APBA2: variants seen among roughly 807,000 people sequenced by gnomAD.
APBA2 encodes the protein amyloid beta precursor protein binding family A member 2, also known as amyloid-beta A4 precursor protein-binding family A member 2.
Under a neutral mutation model 75.0 loss-of-function variants are expected in APBA2, and 30 were observed. The ratio of observed to expected loss-of-function variants is 0.40; its 90% CI spans 0.30 to 0.54. APBA2 has a LOEUF of 0.54. APBA2 is among the 20% of genes least tolerant of loss of function. The pLI is 0.49. For synonymous variants in APBA2, 444 were observed against 409.6 expected (o/e 1.08, Z -1.01); for missense variants, 801 against 1,016.1 (o/e 0.79, Z 2.88).
chr15:28,910,229 G>A (rs1403410635), intron 1 of APBA2, among the ~76,000 whole-genome samples: 1 of 152,182 alleles, frequency 6.6e-6, no homozygotes, highest in Non-Finnish European at 1.5e-5. Flanking sequence ...TTAGGGCCAT[G>A]TACAGCAAAG....
chr15:29,038,689 T>TTC (rs1491549410), intron 3 of APBA2, among the ~76,000 whole-genome samples: 2 of 139,692 alleles, frequency 1.4e-5, no homozygotes, highest in African/African-American at 5.6e-5. Flanking sequence ...TTTTTTTTTT[T>TTC]CTGAGACGAA....
At chr15:29,018,267 G>A (rs933526386) in intron 3 of APBA2, among the ~76,000 whole-genome samples, 11 of 152,236 alleles carry the variant, frequency 7.2e-5, no homozygotes, top group Admixed American at 7.2e-4. Flanking sequence ...ATAGTCTTGG[G>A]TGACAGTGCC....
intron 2 of APBA2, among the ~76,000 whole-genome samples, chr15:28,940,699 C>G (rs1256861634): frequency 1.3e-5 from 2 of 152,160 alleles, no homozygotes; most frequent in East Asian, 3.8e-4. Flanking sequence ...CCCCCAGTCC[C>G]GGGTCATGTC....
intron 2 of APBA2, among the ~76,000 whole-genome samples, chr15:28,951,881 C>CTT (rs71414600): frequency 0.016 from 1,745 of 109,824 alleles, 317 homozygotes; most frequent in African/African-American, 0.057. Context: ...TGCACTCAGC[C>CTT]TTTTTTTTTT....
Position 29,108,158 on chromosome 15 carries a change from C to A in APBA2, c.1918-112C>A, listed in dbSNP as rs2044529827. On this transcript the variant is annotated intron_variant, in intron 12 of 14. Transcript: ENST00000683413. Reference sequence around the variant, plus strand: ...CTGAGAGGGGACTGCCTGCCTCTCCCATTGTGTGTTCTCACTGCCCCCGGC... The same window carrying A: ...CTGAGAGGGGACTGCCTGCCTCTCCAATTGTGTGTTCTCACTGCCCCCGGC... 3.3e-6 allele frequency: 5 copies of A among 1,497,030 alleles called. No individual in the cohort carries two copies. In the Admixed American group the frequency reaches 6.7e-5, roughly 20 times the overall value. 92.7% of individuals were successfully genotyped at this position (1,497,030 alleles called of 1,614,324 possible). A position where few individuals can be genotyped will look rare whatever the true frequency, so the allele number is the denominator to read the frequency against.
chr15:29,042,178 C>T (rs936883430), intron 3 of APBA2, among the ~76,000 whole-genome samples: 2 of 152,188 alleles, frequency 1.3e-5, no homozygotes, highest in African/African-American at 4.8e-5. Context: ...TCCACAATTC[C>T]CCTCTTTAGA....
chr15:28,890,691 C>T (rs1168913474), intron 1 of APBA2, among the ~76,000 whole-genome samples: 2 of 152,210 alleles, frequency 1.3e-5, no homozygotes, highest in African/African-American at 2.4e-5. Flanking sequence ...GGGCCCAGGG[C>T]CAGTCACCTG....
chr15:29,116,075 AGCAGAC>A (rs2045104937), intron 14 of APBA2, among the ~76,000 whole-genome samples: 1 of 149,674 alleles, frequency 6.7e-6, no homozygotes, highest in Non-Finnish European at 1.5e-5. Flanking sequence ...CCGTTCTTGA[AGCAGAC>A]GTTTAGAGTC....
chr15:28,981,425 T>G (rs2037615381), intron 2 of APBA2, among the ~76,000 whole-genome samples: 1 of 152,084 alleles, frequency 6.6e-6, no homozygotes, highest in South Asian at 2.1e-4. Flanking sequence ...TCACTAATCA[T>G]CAGAAGAATG....
At chr15:28,998,287 T>G (rs903471688) in intron 3 of APBA2, among the ~76,000 whole-genome samples, 1 of 151,742 alleles carries the variant, frequency 6.6e-6, no homozygotes, top group East Asian at 1.9e-4. Flanking sequence ...ATAAAATGTG[T>G]GCATAATGAA....
intron 2 of APBA2, among the ~76,000 whole-genome samples, chr15:28,969,132 CT>C (rs1316170790): frequency 1.7e-4 from 8 of 46,178 alleles, no homozygotes; most frequent in African/African-American, 1.6e-3. Context: ...ATTTCTTTTT[CT>C]TTCTTTCTTT....
At chr15:29,021,270 T>A (rs372793283) in intron 3 of APBA2, among the ~76,000 whole-genome samples, 1 of 152,106 alleles carries the variant, frequency 6.6e-6, no homozygotes, top group African/African-American at 2.4e-5. Flanking sequence ...GGCTCATGCC[T>A]GTAATCCCAG....
chr15:28,988,342 C>G (rs1311506987), intron 2 of APBA2, among the ~76,000 whole-genome samples: 1 of 151,296 alleles, frequency 6.6e-6, no homozygotes, highest in African/African-American at 2.4e-5. Flanking sequence ...CGGCTCACGG[C>G]AAGCTCCACC....
intron 5 of APBA2, 111 bp downstream of exon 5, chr15:29,075,112 G>C: frequency 1.2e-6 from 1 of 866,730 alleles, no homozygotes; most frequent in Non-Finnish European, 1.9e-6. Flanking sequence ...ATCCCACCCG[G>C]TGCCTGGGGG....
intron 2 of APBA2, among the ~76,000 whole-genome samples, chr15:28,949,877 G>A (rs922739420): frequency 2.0e-5 from 3 of 152,272 alleles, no homozygotes; most frequent in Middle Eastern, 6.8e-3. Flanking sequence ...CTTCTCTCTC[G>A]TTAACATCTT....
chr15:28,886,677 C>T (rs1310561107), intron 1 of APBA2, among the ~76,000 whole-genome samples: 1 of 152,164 alleles, frequency 6.6e-6, no homozygotes, highest in East Asian at 1.9e-4. Context: ...GTCCCCGTGC[C>T]GGGCGGCAAC....
chr15:28,894,313 T>G (rs547504300), intron 1 of APBA2, among the ~76,000 whole-genome samples: 12 of 152,298 alleles, frequency 7.9e-5, no homozygotes, highest in African/African-American at 2.9e-4. Flanking sequence ...CCAGCTTTCT[T>G]GTTCCCAGTT....
intron 13 of APBA2, among the ~76,000 whole-genome samples, chr15:29,111,329 G>A (rs1002313476): frequency 6.6e-6 from 1 of 152,072 alleles, no homozygotes; most frequent in African/African-American, 2.4e-5. Context: ...CTCCCTGTCT[G>A]TGAAATGGGG....
intron 2 of APBA2, among the ~76,000 whole-genome samples, chr15:28,974,176 T>C (rs2037213035): frequency 6.6e-6 from 1 of 152,072 alleles, no homozygotes; most frequent in Non-Finnish European, 1.5e-5. Flanking sequence ...GAAAAAGAGC[T>C]TGGGAGTTTT....
Sources: gnomAD v4.1 joint callset for allele counts (sites outside exome capture counted in the v4.1 genomes callset) on GRCh38, gnomAD v4.1.1 for gene constraint, MANE v1.5 for transcripts, NCBI Gene and HGNC (gene_info 2026-07-23, HGNC 2026-07-21) for gene names.